PRMT9: variants seen among roughly 807,000 people sequenced by gnomAD.
PRMT9 encodes the protein protein arginine N-methyltransferase 9.
PRMT9 carries 59 observed loss-of-function variants against 83.2 expected under a neutral mutation model. The ratio of observed to expected loss-of-function variants is 0.71; its 90% CI spans 0.57 to 0.88. PRMT9 has a LOEUF of 0.88. Ranked by LOEUF, PRMT9 falls within the 40% of genes least tolerant of loss-of-function variation. PRMT9 has a pLI of 0.00. For synonymous variants in PRMT9, 333 were observed against 353.2 expected (o/e 0.94, Z 0.64); for missense variants, 947 against 1,021.9 (o/e 0.93, Z 1.00).
Position 147,639,033 on chromosome 4 carries a change from A to G in PRMT9, c.2249T>C (p.Leu750Ser). Residue 750 changes from leucine (L) to serine (S), a missense_variant, in exon 11 of 12, where the codon TTA (leucine) becomes TCA (serine). By Grantham distance (145) the Leu-to-Ser change is moderately radical. Coordinates refer to ENST00000322396, the MANE Select transcript of PRMT9 (RefSeq NM_138364.4). ...LDLSSLPCIP[L>S]SKPVELLRLD... is the part of the protein sequence containing the mutation. ...TCTTAAGAGTTCCACTGGCTTGCTT[A>G]AAGGTATACAGGGCAATGAGGATAG... 1 of 1,612,948 alleles carries G rather than the reference A, an allele frequency of 6.2e-7. No individual in the cohort carries two copies. The highest frequency in any genetic ancestry group is 8.5e-7 in the Non-Finnish European group (1 of 1,179,008).
At chr4:147,646,030 T>C (rs1733707708) in intron 9 of PRMT9, among the ~76,000 whole-genome samples, 2 of 152,230 alleles carry the variant, frequency 1.3e-5, no homozygotes, top group Non-Finnish European at 2.9e-5. Context: ...TCATAATAGG[T>C]AGTCTGGTAG....
chr4:147,650,908 C>T (rs1037672446), intron 9 of PRMT9, among the ~76,000 whole-genome samples: 2 of 152,166 alleles, frequency 1.3e-5, no homozygotes, highest in South Asian at 4.1e-4. Flanking sequence ...CGAGACCATC[C>T]TGGCTAACAC....
chr4:147,665,099 A>G (rs925637314), intron 6 of PRMT9, among the ~76,000 whole-genome samples: 44 of 148,338 alleles, frequency 3.0e-4, no homozygotes, highest in Non-Finnish European at 1.5e-5. Context: ...CCAGCCTGGG[A>G]AACAAGAGCG....
intron 1 of PRMT9, 79 bp from the exon 2 acceptor site, chr4:147,680,550 C>A: frequency 1.8e-6 from 2 of 1,115,892 alleles, no homozygotes; most frequent in Non-Finnish European, 1.3e-6. Flanking sequence ...TTGAAGATTC[C>A]AAGCAATCGA....
chr4:147,667,416 T>A (rs914625390), intron 6 of PRMT9, among the ~76,000 whole-genome samples: 2 of 152,194 alleles, frequency 1.3e-5, no homozygotes, highest in Admixed American at 6.5e-5. Flanking sequence ...TTACTGAGTT[T>A]TTAAACAAAA....
chr4:147,683,900 G>T lies in PRMT9; in HGVS notation c.88C>A (p.Gln30Lys), dbSNP rs769561039. 2 of 1,613,442 alleles carry T rather than the reference G, an allele frequency of 1.2e-6. No homozygotes were observed. Among genetic ancestry groups the T allele is most frequent in the African/African-American group, 2.7e-5 (2 of 74,916 alleles). Reference protein sequence around the residue: ...GRDELVSRSLQSAEHCLGVQD... With the variant: ...GRDELVSRSLKSAEHCLGVQD... ...ACGCCCAGACAGTGCTCTGCGCTCT[G>T]CAAGGACCGCGACACCAGCTCGTCC... Residue 30 changes from glutamine to lysine, a missense_variant, in exon 1 of 12, where the codon CAG becomes AAG. By Grantham distance (53) the Gln-to-Lys change is moderately conservative. Transcript: ENST00000322396.
intron 1 of PRMT9, among the ~76,000 whole-genome samples, chr4:147,683,251 G>A (rs1578951494): frequency 6.6e-6 from 1 of 152,300 alleles, no homozygotes; most frequent in African/African-American, 2.4e-5. Flanking sequence ...AAGGAGAAGA[G>A]GATCACGTGA....
intron 11 of PRMT9, 78 bp downstream of exon 11, chr4:147,638,882 A>T: frequency 7.0e-7 from 1 of 1,422,094 alleles, no homozygotes; most frequent in Non-Finnish European, 9.8e-7. Flanking sequence ...AGCTAAAAGT[A>T]TGTATAAAAG....
At chr4:147,671,383 CT>C (rs1026257180) in intron 4 of PRMT9, among the ~76,000 whole-genome samples, 1 of 152,204 alleles carries the variant, frequency 6.6e-6, no homozygotes, top group Non-Finnish European at 1.5e-5. Context: ...GAACTCTGCT[CT>C]TCTGTCCATT....
intron 9 of PRMT9, among the ~76,000 whole-genome samples, chr4:147,650,873 C>T (rs573806965): frequency 7.9e-5 from 12 of 152,274 alleles, no homozygotes; most frequent in South Asian, 4.1e-4. Context: ...GAGGCCAAGG[C>T]GGGCAGATCA....
intron 6 of PRMT9, 191 bp from the exon 7 acceptor site, chr4:147,661,229 G>T: frequency 2.2e-6 from 1 of 453,252 alleles, no homozygotes; most frequent in Non-Finnish European, 3.8e-6. Context: ...ACTATAAATA[G>T]GTCTATAATA....
intron 9 of PRMT9, among the ~76,000 whole-genome samples, chr4:147,644,509 G>C (rs939412273): frequency 7.2e-6 from 1 of 138,870 alleles, no homozygotes; most frequent in Admixed American, 7.9e-5. Context: ...TAGAATGTCA[G>C]CTGTGTTTAT....
intron 9 of PRMT9, among the ~76,000 whole-genome samples, chr4:147,649,243 T>C (rs1240137594): frequency 6.6e-6 from 1 of 150,686 alleles, no homozygotes; most frequent in Non-Finnish European, 1.5e-5. Flanking sequence ...GCTGACCTCA[T>C]CCTGTAAAAA....
At chr4:147,673,565 T>G (rs1578932894) in intron 3 of PRMT9, 73 bp downstream of exon 3, 1 of 978,626 alleles carries the variant, frequency 1.0e-6, no homozygotes, top group East Asian at 2.4e-5. Flanking sequence ...ATGTTAAATT[T>G]TCCATATCTG....
intron 3 of PRMT9, 100 bp downstream of exon 3, chr4:147,673,538 A>T (rs1258182209): frequency 1.2e-6 from 1 of 836,648 alleles, no homozygotes; most frequent in Non-Finnish European, 2.1e-6. Context: ...GATTATAAGA[A>T]ATACTTTTAA....
intron 9 of PRMT9, among the ~76,000 whole-genome samples, chr4:147,650,081 C>CACTT (rs1251322259): frequency 6.6e-6 from 1 of 152,202 alleles, no homozygotes; most frequent in Non-Finnish European, 1.5e-5. Flanking sequence ...AACATCACCA[C>CACTT]ACTTAAAGAC....
chr4:147,657,313 C>T (rs1305979752), intron 8 of PRMT9, among the ~76,000 whole-genome samples: 1 of 152,008 alleles, frequency 6.6e-6, no homozygotes, highest in Non-Finnish European at 1.5e-5. Context: ...ATCACGAGGT[C>T]AGAAGATCGA....
Position 147,683,955 on chromosome 4 carries a change from G to T in PRMT9, c.33C>A (p.Asp11Glu). The T allele has an allele frequency of 1.2e-6, 2 of 1,612,882 alleles. No homozygotes were observed. The highest frequency in any genetic ancestry group is 4.5e-5 in the East Asian group (2 of 44,872). ...CGGCTGCCCCAGCGCCACCCCCGGCGTCTCGGCGGGACCTGGGCCGCGAGT... is the reference window on the plus strand; with the variant it reads ...CGGCTGCCCCAGCGCCACCCCCGGCTTCTCGGCGGGACCTGGGCCGCGAGT... MSNSRPRSRR[D>E]AGGGAGAAGR... Residue 11 changes from aspartate to glutamate, a missense_variant, in exon 1 of 12, where the codon GAC becomes GAA. Physicochemically the swap from Asp to Glu is conservative, Grantham distance 45. Transcript: ENST00000322396.
rs780039175 is a variant in PRMT9 at position 147,683,997 on chromosome 4, C to T, written c.-10G>A. On this transcript the variant is annotated 5_prime_UTR_variant, in exon 1 of 12. Transcript: ENST00000322396. ...GCCGCGAGTTCGACATGGCAGTCACCACTTGTATGGCCAAAGGGAAGATAT... is the reference window on the plus strand; with the variant it reads ...GCCGCGAGTTCGACATGGCAGTCACTACTTGTATGGCCAAAGGGAAGATAT... 1.1e-5 allele frequency: 17 copies of T among 1,612,222 alleles called. No individual in the cohort carries two copies. The highest frequency in any genetic ancestry group is 1.4e-5 in the Non-Finnish European group (17 of 1,179,466).
Sources: gnomAD v4.1 joint callset for allele counts (sites outside exome capture counted in the v4.1 genomes callset) on GRCh38, gnomAD v4.1.1 for gene constraint, MANE v1.5 for transcripts, NCBI Gene and HGNC (gene_info 2026-07-23, HGNC 2026-07-21) for gene names.